Variants in AUTS2 observed in about 807,000 individuals in gnomAD.
The protein encoded by AUTS2 is activator of transcription and developmental regulator AUTS2.
In AUTS2, 17 loss-of-function variants were observed where a neutral mutation model predicts 112.4. That is an observed-to-expected ratio of 0.15 (90% CI 0.10 to 0.23). The LOEUF is 0.23. AUTS2 is among the 10% of genes least tolerant of loss of function. The pLI is 1.00. For missense variants in AUTS2, 1,510 were observed against 1,701.6 expected, an observed-to-expected ratio of 0.89 and a Z score of 1.98; for synonymous variants, 751 against 702.7, an observed-to-expected ratio of 1.07 and a Z score of -1.09.
chr7:69,894,556 T>C (rs1271234743), intron 1 of AUTS2, among the ~76,000 whole-genome samples: 1 of 152,136 alleles, frequency 6.6e-6, no homozygotes, highest in African/African-American at 2.4e-5. Context: ...AAATAAATGA[T>C]GTGGCTAAAG....
chr7:69,711,838 G>A (rs1798341835), intron 1 of AUTS2, among the ~76,000 whole-genome samples: 1 of 152,138 alleles, frequency 6.6e-6, no homozygotes, highest in Non-Finnish European at 1.5e-5. Context: ...TGTGTAATAT[G>A]TGGTATGCAT....
At chr7:70,361,226 G>A (rs1028000512) in intron 4 of AUTS2, among the ~76,000 whole-genome samples, 1 of 152,070 alleles carries the variant, frequency 6.6e-6, no homozygotes, top group Non-Finnish European at 1.5e-5. Context: ...CCAGCTACTC[G>A]GGAGGCTGAG....
chr7:69,737,405 A>C (rs1418364699), intron 1 of AUTS2, among the ~76,000 whole-genome samples: 1 of 152,168 alleles, frequency 6.6e-6, no homozygotes, highest in Admixed American at 6.5e-5. Context: ...AGGTTAGATA[A>C]CTTGCTCAAG....
At chr7:69,915,662 T>C (rs1795547374) in intron 2 of AUTS2, among the ~76,000 whole-genome samples, 1 of 152,256 alleles carries the variant, frequency 6.6e-6, no homozygotes, top group Non-Finnish European at 1.5e-5. Flanking sequence ...CTATCATTTC[T>C]GTTTTCTTGG....
chr7:70,647,211 T>A (rs908040119), intron 5 of AUTS2, among the ~76,000 whole-genome samples: 1 of 152,216 alleles, frequency 6.6e-6, no homozygotes, highest in Non-Finnish European at 1.5e-5. Context: ...CATTCCACGT[T>A]TCCCCTCTAC....
intron 2 of AUTS2, among the ~76,000 whole-genome samples, chr7:70,012,240 T>G (rs1158713350): frequency 6.6e-6 from 1 of 152,128 alleles, no homozygotes; most frequent in South Asian, 2.1e-4. Flanking sequence ...ACAAGCAGGA[T>G]TGGCTGGAGG....
intron 4 of AUTS2, chr7:70,290,612 C>T (rs576593946): frequency 2.1e-6 from 3 of 1,428,504 alleles, no homozygotes; most frequent in African/African-American, 3.0e-5. Flanking sequence ...AAACACTTCC[C>T]TCCTTTTCAT....
At chr7:70,648,404 G>A (rs1361267072) in intron 5 of AUTS2, among the ~76,000 whole-genome samples, 2 of 152,176 alleles carry the variant, frequency 1.3e-5, no homozygotes, top group African/African-American at 4.8e-5. Flanking sequence ...TTCAGGGACA[G>A]GCGTGGGAGC....
chr7:69,713,280 A>G (rs1359955537), intron 1 of AUTS2, among the ~76,000 whole-genome samples: 1 of 152,132 alleles, frequency 6.6e-6, no homozygotes, highest in East Asian at 1.9e-4. Context: ...TATACAACCC[A>G]TCTTTGGTAT....
intron 16 of AUTS2, chr7:70,785,455 A>G (rs1229885763): frequency 4.2e-6 from 2 of 473,254 alleles, no homozygotes; most frequent in Middle Eastern, 3.1e-4. Flanking sequence ...CCGATAAATG[A>G]GTCTCTTCCT....
rs147106727 is a variant in AUTS2, at chr7:70,787,235, G to A, written c.2335G>A (p.Asp779Asn). 4.5e-5 allele frequency: 72 copies of A among 1,614,038 alleles called. No homozygotes were observed. Among genetic ancestry groups the A allele is most frequent in the Non-Finnish European group, 5.9e-5 (70 of 1,180,040 alleles). Residue 779 changes from aspartate (D) to asparagine (N), a missense_variant, in exon 18 of 19, where the codon GAT becomes AAT. Asp to Asn is a conservative substitution (Grantham distance 23). Transcript: ENST00000342771. ...ACCCAACTCAATGTTCGGCCACAAG[G>A]ATGGCCCCAGTGTGCAGAACTTTAG... is the stretch of plus-strand genomic sequence containing the variant. ...VTPNSMFGHK[D>N]GPSVQNFSNP...
intron 1 of AUTS2, among the ~76,000 whole-genome samples, chr7:69,614,370 T>TCTTTCTTTTC (rs1322536871): frequency 1.8e-4 from 5 of 28,552 alleles, no homozygotes; most frequent in Admixed American, 6.7e-4. Context: ...CTTTCTTTTT[T>TCTTTCTTTTC]TAAGAGATGG....
At chr7:70,453,982 A>G (rs1436595363) in intron 5 of AUTS2, among the ~76,000 whole-genome samples, 1 of 152,152 alleles carries the variant, frequency 6.6e-6, no homozygotes, top group African/African-American at 2.4e-5. Flanking sequence ...TAAGTGTGAG[A>G]GAGAAAGGAA....
intron 2 of AUTS2, among the ~76,000 whole-genome samples, chr7:70,097,743 A>G (rs1447915557): frequency 1.3e-5 from 2 of 152,222 alleles, no homozygotes; most frequent in Non-Finnish European, 2.9e-5. Flanking sequence ...GCTGGTAACT[A>G]GGAGCTAAAT....
intron 1 of AUTS2, among the ~76,000 whole-genome samples, chr7:69,772,802 A>T (rs927003645): frequency 6.6e-6 from 1 of 152,224 alleles, no homozygotes; most frequent in Non-Finnish European, 1.5e-5. Flanking sequence ...GAGGAGCCAG[A>T]CTAAGAAGTT....
rs759419439 is a variant in AUTS2 at position 70,766,338 on chromosome 7, C to T, written c.1689+4C>T. ...GCCGACGCCAGCACCTCCCATGGTGCGTACCCCAGGCAGAAATGTGAGGAT... is the reference window on the plus strand; with the variant it reads ...GCCGACGCCAGCACCTCCCATGGTGTGTACCCCAGGCAGAAATGTGAGGAT... On this transcript the variant is annotated splice_donor_region_variant and intron_variant, in intron 9 of 18. Coordinates refer to ENST00000342771, the MANE Select transcript of AUTS2 (RefSeq NM_015570.4). This position sits in a 1 kb window ranked among gnomAD's most constrained non-coding sequence, Gnocchi z 4.8. 6.2e-6 allele frequency: 10 copies of T among 1,613,662 alleles called. No individual in the cohort carries two copies. The highest frequency in any genetic ancestry group is 3.3e-5 in the Admixed American group (2 of 60,002).
chr7:69,829,680 A>G (rs1791412802), intron 1 of AUTS2, among the ~76,000 whole-genome samples: 1 of 152,176 alleles, frequency 6.6e-6, no homozygotes, highest in Non-Finnish European at 1.5e-5. Context: ...CAAAACCACA[A>G]TGAGATGTCA....
chr7:70,005,291 CTG>C (rs1434176811), intron 2 of AUTS2, among the ~76,000 whole-genome samples: 2 of 151,962 alleles, frequency 1.3e-5, no homozygotes, highest in Non-Finnish European at 2.9e-5. Flanking sequence ...GCTGAATACA[CTG>C]TTAGTTTTTA....
Position 70,186,248 on chromosome 7 carries a change from T to G in AUTS2, c.660+51677T>G, listed in dbSNP as rs189135844. Among the ~76,000 whole-genome samples the G allele has an allele frequency of 5.1e-4, 77 of 152,316 alleles. 2 individuals are homozygous for G. Among genetic ancestry groups the G allele is most frequent in the Middle Eastern group, 3.4e-3 (1 of 294 alleles). On this transcript the variant is annotated intron_variant, in intron 4 of 18. Coordinates refer to ENST00000342771, the MANE Select transcript of AUTS2 (RefSeq NM_015570.4). ...CAAGAAAAACTTGACACAAACTGGCTTACAGGAATGTGTTTCTTGCAGGTT... is the reference window on the plus strand; with the variant it reads ...CAAGAAAAACTTGACACAAACTGGCGTACAGGAATGTGTTTCTTGCAGGTT...
Sources: allele counts gnomAD v4.1 joint callset (sites outside exome capture counted in the v4.1 genomes callset), GRCh38; gene constraint gnomAD v4.1.1; non-coding constraint Gnocchi (gnomAD v3.1); transcripts MANE v1.5; gene names NCBI Gene and HGNC (gene_info 2026-07-23, HGNC 2026-07-21).